Variants in LGR4 observed in about 807,000 individuals in gnomAD.
LGR4 encodes leucine rich repeat containing G protein-coupled receptor 4.
In LGR4, 44 loss-of-function variants were observed where a neutral mutation model predicts 84.8. The observed-to-expected ratio is 0.52, with a 90% CI of 0.41 to 0.67. The LOEUF is 0.67. LGR4 is among the 30% of genes least tolerant of loss of function. The pLI is 0.00. For synonymous variants in LGR4, 429 were observed against 434.3 expected (o/e 0.99, Z 0.15); for missense variants, 1,032 against 1,131.4 (o/e 0.91, Z 1.26).
At chr11:27,435,915 C>G (rs1035675030) in intron 1 of LGR4, among the ~76,000 whole-genome samples, 5 of 144,846 alleles carry the variant, frequency 3.5e-5, no homozygotes, top group Non-Finnish European at 7.6e-5. Context: ...AATGGAACTT[C>G]TTTTTTTTTT....
At chr11:27,386,455 ACTT>A (rs1256051010) in intron 4 of LGR4, among the ~76,000 whole-genome samples, 1 of 152,284 alleles carries the variant, frequency 6.6e-6, no homozygotes, top group Admixed American at 6.5e-5. Context: ...ACAGCCTTGG[ACTT>A]CTTTGTGAAA....
intron 2 of LGR4, among the ~76,000 whole-genome samples, chr11:27,401,930 G>T (rs542350231): frequency 3.9e-5 from 6 of 152,312 alleles, no homozygotes; most frequent in Admixed American, 3.3e-4. Context: ...GCTAAGTGGT[G>T]AGAAGTAGAG....
intron 2 of LGR4, among the ~76,000 whole-genome samples, chr11:27,403,811 C>T (rs1308985518): frequency 6.6e-6 from 1 of 152,050 alleles, no homozygotes; most frequent in Non-Finnish European, 1.5e-5. Flanking sequence ...TTTTAAAAGT[C>T]CAGTTTATAT....
At position 27,416,074 on chromosome 11, in the gene LGR4, C is replaced by T. The variant is rs528806407; in HGVS notation, c.186-3214G>A. Among the ~76,000 whole-genome samples the T allele has an allele frequency of 7.2e-4, 110 of 152,198 alleles. 1 individual carries two copies. In the South Asian group the frequency reaches 9.5e-3, roughly 13 times the overall value. On this transcript the variant is annotated intron_variant, in intron 1 of 17. Transcript: ENST00000379214. ...CAGAAGATGCTCCTACAGATTAGTA[C>T]CTTCAAATTCACATGAGTTGTACAA...
intron 1 of LGR4, among the ~76,000 whole-genome samples, chr11:27,471,258 T>C (rs1287208376): frequency 6.6e-6 from 1 of 152,244 alleles, no homozygotes; most frequent in Non-Finnish European, 1.5e-5. Context: ...AGTGTGTCTC[T>C]CGATCTCAGG....
intron 4 of LGR4, among the ~76,000 whole-genome samples, chr11:27,389,399 T>C (rs1042869718): frequency 2.6e-5 from 4 of 152,150 alleles, no homozygotes; most frequent in Non-Finnish European, 5.9e-5. Flanking sequence ...CCATGAATGA[T>C]AAGCACAGTA....
intron 1 of LGR4, among the ~76,000 whole-genome samples, chr11:27,442,428 C>T (rs1864319186): frequency 6.6e-6 from 1 of 152,092 alleles, no homozygotes; most frequent in African/African-American, 2.4e-5. Flanking sequence ...TACCTTGCCG[C>T]AAAACTTTAT....
rs537913263 is a variant in LGR4 at position 27,399,845 on chromosome 11, A to G, written c.258-7327T>C. 3.9e-5 allele frequency among the ~76,000 whole-genome samples: 6 copies of G among 152,242 alleles called. No homozygotes were observed. In the South Asian group the frequency reaches 1.0e-3, roughly 26 times the overall value. On this transcript the variant is annotated intron_variant, in intron 2 of 17. Coordinates refer to ENST00000379214, the MANE Select transcript of LGR4 (RefSeq NM_018490.5). ...GCAACTGTTTTAAAAAGCAAAATAC[A>G]TACTTCTTAAAGTCCTGAGCCATAT...
chr11:27,431,473 A>G (rs1443941591), intron 1 of LGR4, among the ~76,000 whole-genome samples: 1 of 152,178 alleles, frequency 6.6e-6, no homozygotes, highest in Admixed American at 6.5e-5. Flanking sequence ...CACCTAACAT[A>G]CTATAAACAT....
At chr11:27,379,614 G>C (rs768342259) in intron 10 of LGR4, among the ~76,000 whole-genome samples, 14 of 152,134 alleles carry the variant, frequency 9.2e-5, no homozygotes, top group Non-Finnish European at 1.8e-4. Flanking sequence ...GACTCCTGTG[G>C]CTAGAGGTCC....
At chr11:27,446,638 G>A (rs1590400398) in intron 1 of LGR4, among the ~76,000 whole-genome samples, 2 of 152,298 alleles carry the variant, frequency 1.3e-5, no homozygotes, top group African/African-American at 4.8e-5. Flanking sequence ...GATTCCTCAA[G>A]GATCTAGAAC....
At chr11:27,448,080 T>A (rs1334128617) in intron 1 of LGR4, among the ~76,000 whole-genome samples, 2 of 152,236 alleles carry the variant, frequency 1.3e-5, no homozygotes, top group Non-Finnish European at 2.9e-5. Flanking sequence ...ACTACTTATG[T>A]ATGAAATTAA....
chr11:27,433,962 A>G (rs1294568620), intron 1 of LGR4, among the ~76,000 whole-genome samples: 2 of 152,180 alleles, frequency 1.3e-5, no homozygotes, highest in Non-Finnish European at 2.9e-5. Context: ...AAATTAAATG[A>G]TGTCTGTTTG....
chr11:27,436,373 G>GAAAGAAAGAAAGAA (rs768756233), intron 1 of LGR4, among the ~76,000 whole-genome samples: 2 of 133,694 alleles, frequency 1.5e-5, no homozygotes, highest in African/African-American at 5.9e-5. Context: ...AAGAAAGAAA[G>GAAAGAAAGAAAGAA]AGAGAGAGAG....
chr11:27,406,571 C>A (rs1205916924), intron 2 of LGR4, among the ~76,000 whole-genome samples: 1 of 152,080 alleles, frequency 6.6e-6, no homozygotes, highest in Non-Finnish European at 1.5e-5. Flanking sequence ...AGCACAAACT[C>A]CCTTATGATT....
chr11:27,416,855 CTCA>C (rs536417130), intron 1 of LGR4, among the ~76,000 whole-genome samples: 2 of 152,156 alleles, frequency 1.3e-5, no homozygotes, highest in Non-Finnish European at 2.9e-5. Context: ...TGGTTAAACT[CTCA>C]TCGTCTTTTC....
In LGR4 at chr11:27,412,808, A is replaced by G; in HGVS notation, c.238T>C (p.Phe80Leu). The G allele has an allele frequency of 6.3e-7, 1 of 1,595,564 alleles. No individual in the cohort carries two copies. The highest frequency in any genetic ancestry group is 8.6e-7 in the Non-Finnish European group (1 of 1,163,650). Residue 80 changes from phenylalanine (F) to leucine (L), a missense_variant, in exon 2 of 18, where the codon TTT becomes CTT. Transcript: ENST00000379214. ...ACTTACAGCTCTTCTAGAAAAGGAA[A>G]GTTCTTAAATGCATCTTCTGGCAAC... ...TQLPEDAFKN[F>L]PFLEELQLAG... is the part of the protein sequence containing the mutation.
intron 1 of LGR4, among the ~76,000 whole-genome samples, chr11:27,466,829 G>C (rs1444161565): frequency 6.6e-6 from 1 of 152,030 alleles, no homozygotes; most frequent in African/African-American, 2.4e-5. Context: ...TGTTGCCCAG[G>C]CTGGAGTGCA....
At chr11:27,454,937 A>G (rs1162164532) in intron 1 of LGR4, among the ~76,000 whole-genome samples, 1 of 152,202 alleles carries the variant, frequency 6.6e-6, no homozygotes, top group Non-Finnish European at 1.5e-5. Context: ...ACACAAGTCA[A>G]AAGTCTTACT....
Sources: allele counts gnomAD v4.1 joint callset (sites outside exome capture counted in the v4.1 genomes callset), GRCh38; gene constraint gnomAD v4.1.1; transcripts MANE v1.5; gene names NCBI Gene and HGNC (gene_info 2026-07-23, HGNC 2026-07-21).